LOXL4: variants seen among roughly 807,000 people sequenced by gnomAD.
LOXL4 encodes the protein lysyl oxidase homolog 4.
LOXL4 carries 72 observed loss-of-function variants against 89.1 expected under a neutral mutation model. The observed-to-expected ratio is 0.81, with a 90% confidence interval of 0.67 to 0.98. The LOEUF is 0.98. Ranked by LOEUF, LOXL4 falls within the 50% of genes least tolerant of loss-of-function variation. LOXL4 has a pLI of 0.00. For missense variants in LOXL4, 984 were observed against 1,017.5 expected (o/e 0.97, Z 0.45); for synonymous variants, 355 against 392.1 (o/e 0.91, Z 1.12).
At chr10:98,258,191 C>A (rs778984832) in intron 6 of LOXL4, 27 bp from the exon 7 acceptor site, 2 of 1,591,816 alleles carry the variant, frequency 1.3e-6, no homozygotes, top group South Asian at 1.1e-5. Flanking sequence ...GCTTCAGGGA[C>A]GGCTGAGGAG....
intron 6 of LOXL4, 67 bp downstream of exon 6, chr10:98,258,942 C>A: frequency 7.5e-7 from 1 of 1,339,792 alleles, no homozygotes; most frequent in Non-Finnish European, 1.0e-6. Context: ...TCCCCGCACC[C>A]CCCACCAGGC....
chr10:98,252,198 A>G, intron 12 of LOXL4, 155 bp downstream of exon 12: 2 of 634,610 alleles, frequency 3.2e-6, no homozygotes, highest in Middle Eastern at 2.9e-4. Context: ...GTAAGATTTC[A>G]GAAGGTAAGA....
At chr10:98,258,482 G>A (rs1215480545) in intron 6 of LOXL4, among the ~76,000 whole-genome samples, 1 of 151,572 alleles carries the variant, frequency 6.6e-6, no homozygotes, top group Non-Finnish European at 1.5e-5. Flanking sequence ...ACCACCTCAC[G>A]AGGCTATCTC....
rs1261155520 is a variant in LOXL4, at chr10:98,257,955, A to G, written c.1105+26T>C. 7 of 1,611,112 alleles carry G rather than the reference A, an allele frequency of 4.3e-6. No homozygotes were observed. In the Admixed American group the frequency reaches 1.2e-4, roughly 27 times the overall value. ...GACCAGTGGCATATCCAGGCCTTCT[A>G]ACCCCTCCCAGGCTGTCTCACTCAC... On this transcript the variant is annotated intron_variant, in intron 7 of 14. Transcript: ENST00000260702.
chr10:98,262,857 C>T lies in LOXL4; in HGVS notation c.163G>A (p.Gly55Ser). The T allele has an allele frequency of 6.2e-7, 1 of 1,613,748 alleles. No individual in the cohort carries two copies. Among genetic ancestry groups the T allele is most frequent in the Non-Finnish European group, 8.5e-7 (1 of 1,180,032 alleles). ...GCAAAGTTGTCATCACACACGGTGC[C>T]CCACTGGCCCTGGTGCAGCACCTCC... Reference protein sequence around the residue: ...RLEVLHQGQWGTVCDDNFAIQ... With the variant: ...RLEVLHQGQWSTVCDDNFAIQ... Residue 55 changes from glycine (G) to serine (S), a missense_variant, in exon 2 of 15, where the codon GGC (glycine) becomes AGC (serine). Coordinates refer to ENST00000260702, the MANE Select transcript of LOXL4 (RefSeq NM_032211.7).
rs147395479 is a variant in LOXL4 at position 98,253,753 on chromosome 10, C to T, written c.1635G>A (p.Thr545=). Residue 545 remains threonine, a synonymous_variant, in exon 11 of 15, where the codon ACG becomes ACA. Coordinates refer to ENST00000260702, the MANE Select transcript of LOXL4 (RefSeq NM_032211.7). ...TGAGCGGGCGGTCCTCCAAGTAGGC[C>T]GTCTCCTGCACTAGCTGGGCGTTCA... ...LVMNAQLVQE[T]AYLEDRPLSQ... 3.2e-4 allele frequency: 516 copies of T among 1,614,064 alleles called. No homozygotes were observed. Among genetic ancestry groups the T allele is most frequent in the Non-Finnish European group, 4.2e-4 (498 of 1,180,042 alleles).
chr10:98,265,509 T>G (rs1052557209), intron 1 of LOXL4, among the ~76,000 whole-genome samples: 2 of 129,046 alleles, frequency 1.5e-5, no homozygotes, highest in African/African-American at 5.7e-5. Flanking sequence ...GTTCAAGTGA[T>G]TATCTTGCCT....
intron 1 of LOXL4, among the ~76,000 whole-genome samples, chr10:98,265,048 G>A (rs1223988568): frequency 6.6e-6 from 1 of 152,240 alleles, no homozygotes; most frequent in Non-Finnish European, 1.5e-5. Flanking sequence ...AGCTCCATGG[G>A]AGTGGGGATG....
rs578101172 is a variant in LOXL4 at position 98,248,996 on chromosome 10, G to A, written c.2201-5C>T. 76 of 1,613,170 alleles carry A rather than the reference G, an allele frequency of 4.7e-5. No individual in the cohort carries two copies. In the South Asian group the frequency reaches 8.2e-4, roughly 17 times the overall value. Reference sequence around the variant, plus strand: ...CATTGGCTGGGTATGAATTCCCTGTGGGCCAAAGGAAAACAGGTAAGTAGC... The same window carrying A: ...CATTGGCTGGGTATGAATTCCCTGTAGGCCAAAGGAAAACAGGTAAGTAGC... On this transcript the variant is annotated splice_region_variant and splice_polypyrimidine_tract_variant and intron_variant, in intron 14 of 14. Coordinates refer to ENST00000260702, the MANE Select transcript of LOXL4 (RefSeq NM_032211.7).
In LOXL4 at chr10:98,262,361, A is replaced by G. The variant is rs1206316736; in HGVS notation, c.278-148T>C. On this transcript the variant is annotated intron_variant, in intron 2 of 14. Transcript: ENST00000260702. ...GGAGGAAGTTTGGGTCTCCTGGGGA[A>G]TAAGTATTTATAACCCTGCCTGCTA... The G allele has an allele frequency of 6.5e-6, 5 of 764,966 alleles. No individual in the cohort carries two copies. In the African/African-American group the frequency reaches 7.1e-5, roughly 11 times the overall value. The allele number at this position is 764,966 out of a possible 1,614,324, so 47.4% of individuals were successfully genotyped here. A position where few individuals can be genotyped will look rare whatever the true frequency, so the allele number is the denominator to read the frequency against.
At chr10:98,264,822 TAAGA>T (rs1858638673) in intron 1 of LOXL4, among the ~76,000 whole-genome samples, 1 of 151,694 alleles carries the variant, frequency 6.6e-6, no homozygotes, top group Non-Finnish European at 1.5e-5. Flanking sequence ...GAAGATGGGC[TAAGA>T]AAGCTCGTTC....
rs1223655719 is a variant in LOXL4, at chr10:98,255,744, G to A, written c.1429-5C>T. On this transcript the variant is annotated splice_polypyrimidine_tract_variant and splice_region_variant and intron_variant, in intron 9 of 14. Coordinates refer to ENST00000260702, the MANE Select transcript of LOXL4 (RefSeq NM_032211.7). ...CCCCGACCAGAACCAGGTTTCCTAAGAAGACAGCCAGCGTCACCCAGTCAG... is the reference window on the plus strand; with the variant it reads ...CCCCGACCAGAACCAGGTTTCCTAAAAAGACAGCCAGCGTCACCCAGTCAG... The A allele has an allele frequency of 1.2e-6, 2 of 1,607,576 alleles. No individual in the cohort carries two copies. Among genetic ancestry groups the A allele is most frequent in the Non-Finnish European group, 1.7e-6 (2 of 1,174,702 alleles).
rs755364538 is a variant in LOXL4, at chr10:98,251,691, G to A, written c.1963C>T (p.Arg655Cys). 2.1e-5 allele frequency: 34 copies of A among 1,614,052 alleles called. No individual in the cohort carries two copies. The highest frequency in any genetic ancestry group is 1.6e-4 in the Middle Eastern group (1 of 6,084). Residue 655 changes from arginine (R) to cysteine (C), a missense_variant, in exon 13 of 15, where the codon CGC (arginine) becomes TGC (cysteine). Arg to Cys is a radical substitution (Grantham distance 180). Coordinates refer to ENST00000260702, the MANE Select transcript of LOXL4 (RefSeq NM_032211.7). ...TCTCCAAAGTTGGCACATGCGTAGC[G>A]CCGCTGCAGTCCTGTAAGGAAGGGG... Reference protein sequence around the residue: ...DTNCPTGLQRRYACANFGEQG... With the variant: ...DTNCPTGLQRCYACANFGEQG...
At chr10:98,255,271 C>T (rs917701947) in intron 10 of LOXL4, among the ~76,000 whole-genome samples, 1 of 152,230 alleles carries the variant, frequency 6.6e-6, no homozygotes, top group African/African-American at 2.4e-5. Context: ...AAAAACTGCC[C>T]TTGCTGTTTT....
chr10:98,251,982 C>G, intron 12 of LOXL4: 1 of 513,982 alleles, frequency 1.9e-6, no homozygotes, highest in Non-Finnish European at 3.5e-6. Flanking sequence ...ATCCATCCTT[C>G]CAAACCTCTA....
chr10:98,261,924 G>T, intron 3 of LOXL4, 111 bp downstream of exon 3: 1 of 1,173,082 alleles, frequency 8.5e-7, no homozygotes, highest in Non-Finnish European at 1.2e-6. Flanking sequence ...ACGATGCTCA[G>T]TGCAGACTGC....
rs768623256 is a variant in LOXL4 at position 98,263,015 on chromosome 10, G to A, written c.5C>T (p.Ala2Val). The A allele has an allele frequency of 2.4e-5, 38 of 1,612,734 alleles. No individual in the cohort carries two copies. The highest frequency in any genetic ancestry group is 3.3e-5 in the South Asian group (3 of 91,068). ...AAAGAGGGTGGCTGGTGGGGACCAC[G>A]CCATGGTGACTTCAAGGACAGCTGA... M[A>V]WSPPATLFLF... is the part of the protein sequence containing the mutation. Residue 2 changes from alanine to valine, a missense_variant, in exon 2 of 15, where the codon GCG (alanine) becomes GTG (valine). Transcript: ENST00000260702.
rs374736960 is a variant in LOXL4, at chr10:98,256,767, C to T, written c.1428+13G>A. On this transcript the variant is annotated intron_variant, in intron 9 of 14. Transcript: ENST00000260702. Reference sequence around the variant, plus strand: ...GTGAGAGGTCATACGGAAGAAACAACAGAGGGACCTACCTTGTAGGCATGG... The same window carrying T: ...GTGAGAGGTCATACGGAAGAAACAATAGAGGGACCTACCTTGTAGGCATGG... The T allele has an allele frequency of 3.7e-6, 6 of 1,613,830 alleles. No homozygotes were observed. The highest frequency in any genetic ancestry group is 2.7e-5 in the African/African-American group (2 of 74,954).
chr10:98,253,583 C>T lies in LOXL4; in HGVS notation c.1805G>A (p.Arg602His), dbSNP rs749482948. 1.2e-5 allele frequency: 20 copies of T among 1,614,268 alleles called. No individual in the cohort carries two copies. In the East Asian group the frequency reaches 3.3e-4, roughly 27 times the overall value. ...GCACTGGTGCCAAACCCAGCTATCG[C>T]GTCCAGTCTTTGGACGAAAGTCAGT... ...GRTDFRPKTG[R>H]DSWVWHQCHR... The change falls in exon 11 of 15, where the codon CGC becomes CAC. Residue 602 changes from arginine to histidine, a missense_variant. Arg to His is a conservative substitution (Grantham distance 29). Coordinates refer to ENST00000260702, the MANE Select transcript of LOXL4 (RefSeq NM_032211.7).
Sources: allele counts gnomAD v4.1 joint callset (sites outside exome capture counted in the v4.1 genomes callset), GRCh38; gene constraint gnomAD v4.1.1; transcripts MANE v1.5; gene names NCBI Gene and HGNC (gene_info 2026-07-23, HGNC 2026-07-21).